The following SH3D19 variants were observed in gnomAD, a reference collection of about 807,000 sequenced individuals.
The protein encoded by SH3D19 is SH3 domain containing 19.
A neutral mutation model predicts 112.1 loss-of-function variants in SH3D19; 58 were observed. That is an observed-to-expected ratio of 0.52 (90% CI 0.42 to 0.64). The LOEUF (loss-of-function observed/expected upper bound fraction) is 0.64, where lower values mean the gene tolerates loss of function less well. Among genes scored for constraint, SH3D19 ranks in the 30% least tolerant of loss-of-function variants. The pLI is 0.00. For missense variants in SH3D19, 1,090 were observed against 1,263.4 expected (o/e 0.86, Z 2.08); for synonymous variants, 391 against 448.5 (o/e 0.87, Z 1.62).
At chr4:151,265,577 T>C (rs1304793703) in intron 1 of SH3D19, among the ~76,000 whole-genome samples, 24 of 146,420 alleles carry the variant, frequency 1.6e-4, no homozygotes, top group African/African-American at 5.3e-4. Flanking sequence ...TTCTTTTTTT[T>C]TTTTTTTTTT....
At chr4:151,172,783 A>T (rs1409841391) in intron 7 of SH3D19, among the ~76,000 whole-genome samples, 1 of 152,100 alleles carries the variant, frequency 6.6e-6, no homozygotes, top group Non-Finnish European at 1.5e-5. Flanking sequence ...CGGTGAGAAG[A>T]CTCAAGGATG....
At chr4:151,295,121 G>C (rs539749188) in intron 1 of SH3D19, among the ~76,000 whole-genome samples, 3 of 152,334 alleles carry the variant, frequency 2.0e-5, no homozygotes, top group South Asian at 2.1e-4. Context: ...TCCTGCAGAA[G>C]CTACTAGGCC....
chr4:151,265,601 G>A (rs1475546850), intron 1 of SH3D19, among the ~76,000 whole-genome samples: 1 of 122,038 alleles, frequency 8.2e-6, no homozygotes, highest in Non-Finnish European at 1.6e-5. Context: ...TTTAAAGACA[G>A]AGTCTTGCTG....
At chr4:151,273,535 A>G (rs2149999291) in intron 1 of SH3D19, among the ~76,000 whole-genome samples, 1 of 139,638 alleles carries the variant, frequency 7.2e-6, no homozygotes, top group Non-Finnish European at 1.5e-5. Flanking sequence ...GGTTGCAGTG[A>G]GCCGAGATTA....
intron 1 of SH3D19, among the ~76,000 whole-genome samples, chr4:151,237,277 G>C (rs923908564): frequency 6.6e-6 from 1 of 151,994 alleles, no homozygotes; most frequent in African/African-American, 2.4e-5. Context: ...TCGGACATAA[G>C]GTCACAAACC....
chr4:151,244,362 G>A (rs1415073358), intron 1 of SH3D19, among the ~76,000 whole-genome samples: 1 of 152,178 alleles, frequency 6.6e-6, no homozygotes, highest in Non-Finnish European at 1.5e-5. Flanking sequence ...TGTTGATAGG[G>A]CATAGAAGGA....
chr4:151,284,761 C>T (rs1052556489), intron 1 of SH3D19, among the ~76,000 whole-genome samples: 3 of 152,084 alleles, frequency 2.0e-5, no homozygotes, highest in South Asian at 2.1e-4. Context: ...CCTGTTTCAA[C>T]GGGAAGTCAA....
chr4:151,152,926 C>A (rs956400744), intron 9 of SH3D19, among the ~76,000 whole-genome samples: 1 of 150,926 alleles, frequency 6.6e-6, no homozygotes, highest in Admixed American at 6.6e-5. Context: ...ACCTCCGCCT[C>A]CTGGGTTCAA....
chr4:151,153,124 A>G (rs1467978276), intron 9 of SH3D19, among the ~76,000 whole-genome samples: 1 of 151,844 alleles, frequency 6.6e-6, no homozygotes, highest in Non-Finnish European at 1.5e-5. Flanking sequence ...ATGAACCACC[A>G]TGCCCAGCTG....
intron 1 of SH3D19, among the ~76,000 whole-genome samples, chr4:151,231,692 A>G (rs188279013): frequency 1.2e-4 from 19 of 152,364 alleles, no homozygotes; most frequent in Non-Finnish European, 2.4e-4. Context: ...GAAATAAGAC[A>G]TACTACAGAG....
At chr4:151,157,049 C>T (rs542551236) in intron 9 of SH3D19, among the ~76,000 whole-genome samples, 50 of 152,218 alleles carry the variant, frequency 3.3e-4, no homozygotes, top group African/African-American at 1.2e-3. Context: ...TCCAGGAGTT[C>T]AAGAACAGCC....
chr4:151,139,729 A>C, intron 13 of SH3D19, 46 bp downstream of exon 13: 1 of 1,561,582 alleles, frequency 6.4e-7, no homozygotes, highest in Non-Finnish European at 8.8e-7. Flanking sequence ...AAAAAGACTT[A>C]CTCCTGGATC....
chr4:151,137,672 A>C, intron 14 of SH3D19, 60 bp downstream of exon 14: 1 of 1,371,502 alleles, frequency 7.3e-7, no homozygotes, highest in Non-Finnish European at 9.7e-7. Context: ...TTTCCAACCT[A>C]CAAGTCACAT....
intron 1 of SH3D19, among the ~76,000 whole-genome samples, chr4:151,300,039 TA>T (rs1390657311): frequency 1.3e-5 from 2 of 151,976 alleles, no homozygotes; most frequent in African/African-American, 4.8e-5. Context: ...CCATGTCTAC[TA>T]AAAATACAAA....
chr4:151,174,642 T>G (rs1409214283), intron 7 of SH3D19, 28 bp downstream of exon 7: 3 of 1,491,622 alleles, frequency 2.0e-6, no homozygotes, highest in Non-Finnish European at 2.7e-6. Flanking sequence ...GAGTTTAGAT[T>G]CCCCTCCACT....
At position 151,174,703 on chromosome 4, in the gene SH3D19, C is replaced by T; in HGVS notation, c.1501G>A (p.Ala501Thr). ...ATCTCTGAACCAACAGATTCTTCAGCCAGGTTCCCCGATGGGGTGGGCAAA... is the reference window on the plus strand; with the variant it reads ...ATCTCTGAACCAACAGATTCTTCAGTCAGGTTCCCCGATGGGGTGGGCAAA... Reference protein sequence around the residue: ...DVLPTPSGNLAEESVGSEMVL... With the variant: ...DVLPTPSGNLTEESVGSEMVL... Residue 501 changes from alanine to threonine, a missense_variant, in exon 7 of 20, where the codon GCT becomes ACT. Coordinates refer to ENST00000604030, the MANE Select transcript of SH3D19 (RefSeq NM_001378122.1). The T allele has an allele frequency of 1.3e-6, 2 of 1,514,396 alleles. No homozygotes were observed. Among genetic ancestry groups the T allele is most frequent in the Non-Finnish European group, 8.8e-7 (1 of 1,133,090 alleles). 93.8% of individuals were successfully genotyped at this position (1,514,396 alleles called of 1,614,324 possible). A position where few individuals can be genotyped will look rare whatever the true frequency, so the allele number is the denominator to read the frequency against.
chr4:151,271,765 T>C (rs763872617), intron 1 of SH3D19, among the ~76,000 whole-genome samples: 20 of 152,230 alleles, frequency 1.3e-4, no homozygotes, highest in Admixed American at 3.3e-4. Context: ...AAATAACAGC[T>C]GCCATTAATT....
At chr4:151,186,148 C>A (rs1761741302) in intron 3 of SH3D19, among the ~76,000 whole-genome samples, 2 of 152,252 alleles carry the variant, frequency 1.3e-5, no homozygotes, top group East Asian at 1.9e-4. Context: ...TATCTTTATC[C>A]TTTTCTAACA....
chr4:151,278,856 C>T (rs2150005145), intron 1 of SH3D19, among the ~76,000 whole-genome samples: 1 of 152,288 alleles, frequency 6.6e-6, no homozygotes, highest in Non-Finnish European at 1.5e-5. Flanking sequence ...TGGTTTTGAA[C>T]TCCTGGACTT....
Sources: allele counts gnomAD v4.1 joint callset (sites outside exome capture counted in the v4.1 genomes callset), GRCh38; gene constraint gnomAD v4.1.1; transcripts MANE v1.5; gene names NCBI Gene and HGNC (gene_info 2026-07-23, HGNC 2026-07-21).